Variants in TRANK1 observed in about 807,000 individuals in gnomAD.
The protein encoded by TRANK1 is TPR and ankyrin repeat-containing protein 1.
TRANK1 carries 198 observed loss-of-function variants against 266.0 expected under a neutral mutation model. That is an observed-to-expected ratio of 0.74 (90% CI 0.66 to 0.84). The LOEUF (loss-of-function observed/expected upper bound fraction) is 0.84, where lower values mean the gene tolerates loss of function less well. Ranked by LOEUF, TRANK1 falls within the 40% of genes least tolerant of loss-of-function variation. The pLI is 0.00. For missense variants in TRANK1, 3,326 were observed against 3,634.6 expected, an observed-to-expected ratio of 0.92 and a Z score of 2.18; for synonymous variants, 1,396 against 1,384.1, an observed-to-expected ratio of 1.01 and a Z score of -0.19.
chr3:36,864,252 T>C (rs976878653), intron 10 of TRANK1, 67 bp downstream of exon 10: 1 of 1,393,796 alleles, frequency 7.2e-7, no homozygotes, highest in East Asian at 2.5e-5. Context: ...TCTGAACAGA[T>C]ATTAGAAAAG....
chr3:36,831,404 A>G lies in TRANK1; in HGVS notation c.8179T>C (p.Cys2727Arg), dbSNP rs2078691663. 2.5e-6 allele frequency: 4 copies of G among 1,612,920 alleles called. No individual in the cohort carries two copies. The highest frequency in any genetic ancestry group is 2.2e-5 in the East Asian group (1 of 44,868). ...ASIQRKLRRA[C>R]LVVSLCISWR... ...CTGATGCACAGAGACACCACCAGGC[A>G]TGCCCTCCTCAACTTCCGCTGTATG... is the stretch of plus-strand genomic sequence containing the variant. The change falls in exon 22 of 24, where the codon TGC becomes CGC. Residue 2727 changes from cysteine to arginine, a missense_variant. Transcript: ENST00000645898. This position sits in a 1 kb window ranked among gnomAD's most constrained non-coding sequence, Gnocchi z 5.0.
rs1197721914 is a variant in TRANK1 at position 36,852,352 on chromosome 3, T to C, written c.4550-7A>G. 75 of 1,556,330 alleles carry C rather than the reference T, an allele frequency of 4.8e-5. 1 individual carries two copies. In the Admixed American group the frequency reaches 1.6e-3, roughly 34 times the overall value. ...GATGCCAGATTGAGGATTCCTGGAA[T>C]GAAACAGAAAACCCAAGTTGGATAA... On this transcript the variant is annotated splice_region_variant and splice_polypyrimidine_tract_variant and intron_variant, in intron 13 of 23. Transcript: ENST00000645898.
chr3:36,872,014 A>C (rs1412360243), intron 9 of TRANK1, among the ~76,000 whole-genome samples: 1 of 152,220 alleles, frequency 6.6e-6, no homozygotes, highest in Non-Finnish European at 1.5e-5. Flanking sequence ...ACCAACTATT[A>C]AGTATTAATC....
intron 1 of TRANK1, among the ~76,000 whole-genome samples, chr3:36,926,189 C>G (rs572270564): frequency 1.4e-4 from 22 of 152,142 alleles, no homozygotes; most frequent in Non-Finnish European, 2.5e-4. Flanking sequence ...TCCTGAGTTT[C>G]CTGTATATTG....
chr3:36,908,607 G>T (rs1477020152), intron 1 of TRANK1, 153 bp from the exon 2 acceptor site: 14 of 1,229,998 alleles, frequency 1.1e-5, no homozygotes, highest in Non-Finnish European at 3.0e-6. Context: ...TCACCACCAG[G>T]AAACCAGGCA....
intron 15 of TRANK1, 102 bp downstream of exon 15, chr3:36,851,617 G>A (rs2078985006): frequency 1.4e-6 from 2 of 1,387,968 alleles, no homozygotes; most frequent in Admixed American, 2.8e-5. Flanking sequence ...ACAGGAGCCT[G>A]TGATAAACTC....
intron 1 of TRANK1, among the ~76,000 whole-genome samples, chr3:36,944,397 G>C (rs747426263): frequency 6.6e-6 from 1 of 152,204 alleles, no homozygotes; most frequent in Non-Finnish European, 1.5e-5. Context: ...GTTTCTGCCC[G>C]CCAAGAATGC....
intron 7 of TRANK1, among the ~76,000 whole-genome samples, chr3:36,890,953 G>GT (rs1187173131): frequency 6.6e-6 from 1 of 152,214 alleles, no homozygotes. Context: ...CTGCATTCCA[G>GT]TTTCCTCACT....
At chr3:36,927,799 C>A (rs925383723) in intron 1 of TRANK1, among the ~76,000 whole-genome samples, 13 of 152,300 alleles carry the variant, frequency 8.5e-5, no homozygotes, top group African/African-American at 2.9e-4. Context: ...GGAAATTTAG[C>A]CTTCAATTCT....
chr3:36,873,508 AAG>A (rs768084584), intron 9 of TRANK1, among the ~76,000 whole-genome samples: 6 of 152,260 alleles, frequency 3.9e-5, no homozygotes, highest in Non-Finnish European at 5.9e-5. Context: ...TAGTTGTAGA[AAG>A]AGTAACATTT....
At chr3:36,874,350 G>A in intron 8 of TRANK1, 54 bp from the exon 9 acceptor site, 2 of 1,506,330 alleles carry the variant, frequency 1.3e-6, no homozygotes, top group Non-Finnish European at 1.8e-6. Flanking sequence ...TCCATAAGAT[G>A]TCCCCATGAG....
chr3:36,901,589 A>G (rs1041264793), intron 3 of TRANK1, among the ~76,000 whole-genome samples: 5 of 152,218 alleles, frequency 3.3e-5, no homozygotes, highest in Admixed American at 2.0e-4. Flanking sequence ...TGAACATCAA[A>G]TGAAATCTGT....
intron 11 of TRANK1, among the ~76,000 whole-genome samples, chr3:36,859,764 T>C (rs2079109655): frequency 6.6e-6 from 1 of 152,142 alleles, no homozygotes; most frequent in Admixed American, 6.5e-5. Flanking sequence ...TATAAGTGCT[T>C]GCCGAATCAA....
chr3:36,843,080 G>T (rs2078869766), intron 17 of TRANK1, among the ~76,000 whole-genome samples: 1 of 152,188 alleles, frequency 6.6e-6, no homozygotes, highest in African/African-American at 2.4e-5. Flanking sequence ...CCTTGATCTT[G>T]GACTTCTAGC....
intron 9 of TRANK1, among the ~76,000 whole-genome samples, chr3:36,865,238 G>A (rs1166665162): frequency 1.3e-5 from 2 of 152,016 alleles, no homozygotes; most frequent in African/African-American, 4.8e-5. Context: ...ATATTGGCCA[G>A]GCTGGTCTTG....
chr3:36,887,720 C>A (rs373298845), intron 8 of TRANK1, among the ~76,000 whole-genome samples: 2 of 152,216 alleles, frequency 1.3e-5, no homozygotes, highest in Non-Finnish European at 2.9e-5. Flanking sequence ...AGATCAGACA[C>A]CCCTGATTAT....
chr3:36,899,181 G>A lies in TRANK1; in HGVS notation c.361C>T (p.Arg121Ter), dbSNP rs557795663. The change falls in exon 4 of 24, where the codon CGA (arginine) becomes TGA (stop). Residue 121 changes from arginine (R) to a stop codon, truncating the protein, a stop_gained. Coordinates refer to ENST00000645898, the MANE Select transcript of TRANK1 (RefSeq NM_001329998.2). LOFTEE classifies it high-confidence loss of function. Reference protein sequence around the residue: ...EAARMFFEGLRLVQRSQDQAP... With the variant: ...EAARMFFEGL ...TGGTCTTGGCTTCTCTGCACAAGTC[G>A]CAGACCCTCAAAAAACATGCGAGCG... 4.9e-5 allele frequency: 76 copies of A among 1,537,078 alleles called. 1 individual carries two copies. Among genetic ancestry groups the A allele is most frequent in the South Asian group, 3.2e-4 (27 of 84,064 alleles).
chr3:36,860,853 T>C (rs2079131976), intron 11 of TRANK1, 53 bp downstream of exon 11: 5 of 1,527,122 alleles, frequency 3.3e-6, no homozygotes, highest in Non-Finnish European at 4.4e-6. Context: ...CTGGACTCCA[T>C]CACGTGGAGA....
chr3:36,945,368 C>G (rs935641318), upstream of TRANK1, among the ~76,000 whole-genome samples: 7 of 152,170 alleles, frequency 4.6e-5, no homozygotes, highest in Non-Finnish European at 1.0e-4. Flanking sequence ...TTCTCCTTCC[C>G]TCGTTCCTCC....
Sources: gnomAD v4.1 joint callset for allele counts (sites outside exome capture counted in the v4.1 genomes callset) on GRCh38, gnomAD v4.1.1 for gene constraint, Gnocchi (gnomAD v3.1) non-coding constraint, MANE v1.5 for transcripts, NCBI Gene and HGNC (gene_info 2026-07-23, HGNC 2026-07-21) for gene names.